PRDM4: variants seen among roughly 807,000 people sequenced by gnomAD.
The protein encoded by PRDM4 is PR/SET domain 4, also known as PR domain zinc finger protein 4.
PRDM4 carries 38 observed loss-of-function variants against 62.3 expected under a neutral mutation model. The ratio of observed to expected loss-of-function variants is 0.61; its 90% CI spans 0.47 to 0.80. PRDM4 has a LOEUF of 0.80. Among genes scored for constraint, PRDM4 ranks in the 30% least tolerant of loss-of-function variants. The pLI is 0.00. For missense variants in PRDM4, 858 were observed against 997.1 expected, an observed-to-expected ratio of 0.86 and a Z score of 1.88; for synonymous variants, 339 against 348.2, an observed-to-expected ratio of 0.97 and a Z score of 0.30.
intron 5 of PRDM4, among the ~76,000 whole-genome samples, chr12:107,750,991 G>A (rs1309070759): frequency 6.6e-6 from 1 of 152,150 alleles, no homozygotes; most frequent in Non-Finnish European, 1.5e-5. Flanking sequence ...AAACTCCCGG[G>A]CTCAAGCAAC....
chr12:107,757,266 CA>C (rs2136335256), intron 2 of PRDM4, among the ~76,000 whole-genome samples: 1 of 152,258 alleles, frequency 6.6e-6, no homozygotes, highest in South Asian at 2.1e-4. Context: ...TCTTAGAGCA[CA>C]ATGGCAATGA....
Position 107,744,788 on chromosome 12 carries a change from G to T in PRDM4, c.1277-127C>A, listed in dbSNP as rs117307558. 1.7e-3 allele frequency: 2,198 copies of T among 1,313,524 alleles called. 47 individuals carry two copies. In the East Asian group the frequency reaches 0.046, roughly 28 times the overall value. The allele number at this position is 1,313,524 out of a possible 1,614,324, so 81.4% of individuals were successfully genotyped here. A position where few individuals can be genotyped will look rare whatever the true frequency, so the allele number is the denominator to read the frequency against. On this transcript the variant is annotated intron_variant, in intron 6 of 11. Coordinates refer to ENST00000228437, the MANE Select transcript of PRDM4 (RefSeq NM_012406.4). ...TTTAACCAATATGTAGGCTGGGCGT[G>T]GTGGCTCACGCCTGTTATCCCGGCA...
At chr12:107,736,096 G>A (rs1890321208) in intron 11 of PRDM4, among the ~76,000 whole-genome samples, 1 of 152,126 alleles carries the variant, frequency 6.6e-6, no homozygotes, top group African/African-American at 2.4e-5. Context: ...CTTCTACTCT[G>A]ATGGTTTTTA....
chr12:107,745,837 T>C (rs1238965924), intron 6 of PRDM4, among the ~76,000 whole-genome samples: 1 of 152,200 alleles, frequency 6.6e-6, no homozygotes, highest in Non-Finnish European at 1.5e-5. Flanking sequence ...GTAAGTAAAG[T>C]CTGGCAATCT....
At chr12:107,745,856 T>C (rs1402067974) in intron 6 of PRDM4, among the ~76,000 whole-genome samples, 1 of 152,258 alleles carries the variant, frequency 6.6e-6, no homozygotes, top group African/African-American at 2.4e-5. Flanking sequence ...CTACATTCTT[T>C]ATTCCTTTTA....
chr12:107,743,993 A>G (rs909868385), intron 7 of PRDM4, among the ~76,000 whole-genome samples: 1 of 152,134 alleles, frequency 6.6e-6, no homozygotes, highest in Non-Finnish European at 1.5e-5. Flanking sequence ...AAGTGCCTGT[A>G]AATTCAGCTA....
intron 11 of PRDM4, among the ~76,000 whole-genome samples, chr12:107,736,315 T>A (rs2136306432): frequency 6.6e-6 from 1 of 152,038 alleles, no homozygotes; most frequent in Admixed American, 6.5e-5. Flanking sequence ...AGTGAAGGGG[T>A]CCTATTTTAG....
intron 5 of PRDM4, among the ~76,000 whole-genome samples, chr12:107,747,607 T>C (rs2136322045): frequency 6.6e-6 from 1 of 152,316 alleles, no homozygotes; most frequent in African/African-American, 2.4e-5. Context: ...TCTCTATTCT[T>C]ACTACAACTT....
In PRDM4 at chr12:107,760,609, G is replaced by GCT; in HGVS notation, c.-96_-95dup. On this transcript the variant is annotated 5_prime_UTR_variant, in exon 2 of 12. Transcript: ENST00000228437. ...CCAGGGTCACGTGCTACCACATCTTGCTCACAACCGCTGCACCGACGCGGC... is the reference window on the plus strand; with the variant it reads ...CCAGGGTCACGTGCTACCACATCTTGCTCTCACAACCGCTGCACCGACGCGGC... The GCT allele has an allele frequency of 6.7e-7, 1 of 1,491,974 alleles. No individual in the cohort carries two copies. The highest frequency in any genetic ancestry group is 9.2e-7 in the Non-Finnish European group (1 of 1,091,928). The allele number at this position is 1,491,974 out of a possible 1,614,324, so 92.4% of individuals were successfully genotyped here.
chr12:107,748,672 C>T (rs1017096154), intron 5 of PRDM4, among the ~76,000 whole-genome samples: 14 of 152,240 alleles, frequency 9.2e-5, no homozygotes, highest in Middle Eastern at 3.4e-3. Flanking sequence ...GCTGAGAATA[C>T]GCGGAAGGAG....
chr12:107,749,930 G>A (rs1171504363), intron 5 of PRDM4, among the ~76,000 whole-genome samples: 2 of 151,946 alleles, frequency 1.3e-5, no homozygotes, highest in African/African-American at 4.8e-5. Context: ...GATTCTTTTG[G>A]TTCTAGGCAC....
At chr12:107,760,026 T>C (rs1891185837) in intron 2 of PRDM4, 1 of 152,520 alleles carries the variant, frequency 6.6e-6, no homozygotes, top group Non-Finnish European at 1.5e-5. Flanking sequence ...GTGCCTTATC[T>C]TCCTTATTCT....
chr12:107,750,008 G>A (rs889486506), intron 5 of PRDM4, among the ~76,000 whole-genome samples: 2 of 152,104 alleles, frequency 1.3e-5, no homozygotes, highest in African/African-American at 4.8e-5. Flanking sequence ...TAAGGTCTGT[G>A]CTAACATGTA....
intron 11 of PRDM4, among the ~76,000 whole-genome samples, chr12:107,736,084 A>T (rs1366107884): frequency 1.3e-5 from 2 of 152,190 alleles, no homozygotes; most frequent in South Asian, 2.1e-4. Context: ...CTGACTTTTC[A>T]TCTTCTACTC....
At chr12:107,734,918 A>G (rs1217174375) in intron 11 of PRDM4, among the ~76,000 whole-genome samples, 1 of 152,184 alleles carries the variant, frequency 6.6e-6, no homozygotes, top group Non-Finnish European at 1.5e-5. Flanking sequence ...CTAGCTAATG[A>G]ATGTTTTGGT....
intron 5 of PRDM4, among the ~76,000 whole-genome samples, chr12:107,747,104 G>A (rs1890732562): frequency 1.3e-5 from 2 of 151,916 alleles, no homozygotes; most frequent in Admixed American, 1.3e-4. Flanking sequence ...GTAACACAGT[G>A]AGATCCCATC....
rs765170036 is a variant in PRDM4 at position 107,751,429 on chromosome 12, G to T, written c.1112C>A (p.Thr371Asn). ...AACACACTCACAAATTGTAAACAAG[G>T]TTGCCATGTTCTCCTTGTTTGAATT... ...DSNSNKENMA[T>N]LFTIWCTLCD... Residue 371 changes from threonine to asparagine, a missense_variant, in exon 5 of 12, where the codon ACC becomes AAC. Coordinates refer to ENST00000228437, the MANE Select transcript of PRDM4 (RefSeq NM_012406.4). 6.2e-7 allele frequency: 1 copy of T among 1,603,064 alleles called. No homozygotes were observed. The highest frequency in any genetic ancestry group is 8.5e-7 in the Non-Finnish European group (1 of 1,170,614).
chr12:107,746,394 G>A lies in PRDM4; in HGVS notation c.1157C>T (p.Ser386Leu), dbSNP rs748628697. 8.7e-6 allele frequency: 14 copies of A among 1,611,932 alleles called. No homozygotes were observed. The highest frequency in any genetic ancestry group is 3.3e-5 in the Admixed American group (2 of 59,744). The change falls in exon 6 of 12, where the codon TCG becomes TTG. Residue 386 changes from serine to leucine, a missense_variant. Coordinates refer to ENST00000228437, the MANE Select transcript of PRDM4 (RefSeq NM_012406.4). ...WCTLCDRAYP[S>L]DCPEHGPVTF... ...CACTGGTCCATGTTCGGGACAGTCC[G>A]AGGGATAGGCGCGGTCACACAGAGT...
rs944601293 is a variant in PRDM4, at chr12:107,739,520, G to A, written c.1956C>T (p.Asp652=). The change falls in exon 11 of 12, where the codon GAC becomes GAT. Residue 652 remains aspartate, a synonymous_variant. Transcript: ENST00000228437. ...GQKNYRCTLC[D]KSFTQKAHLE... ...GGTGAGCCTTCTGGGTGAAAGACTTGTCACACAAGGTACACCTGTAGTTCT... is the reference window on the plus strand; with the variant it reads ...GGTGAGCCTTCTGGGTGAAAGACTTATCACACAAGGTACACCTGTAGTTCT... 1 of 1,613,918 alleles carries A rather than the reference G, an allele frequency of 6.2e-7. No homozygotes were observed.
Sources: allele counts gnomAD v4.1 joint callset (sites outside exome capture counted in the v4.1 genomes callset), GRCh38; gene constraint gnomAD v4.1.1; transcripts MANE v1.5; gene names NCBI Gene and HGNC (gene_info 2026-07-23, HGNC 2026-07-21).